Variants in EPHB2 observed in about 807,000 individuals in gnomAD.
EPHB2 encodes ephrin type-B receptor 2.
EPHB2 carries 18 observed loss-of-function variants against 96.4 expected under a neutral mutation model. The observed-to-expected ratio is 0.19, with a 90% CI of 0.13 to 0.28. The LOEUF (loss-of-function observed/expected upper bound fraction) is 0.28, where lower values mean the gene tolerates loss of function less well. Ranked by LOEUF, EPHB2 falls within the 10% of genes least tolerant of loss-of-function variation. The pLI, the probability that EPHB2 is intolerant of heterozygous loss-of-function variation, is 1.00. For synonymous variants in EPHB2, 506 were observed against 534.1 expected, an observed-to-expected ratio of 0.95 and a Z score of 0.72; for missense variants, 989 against 1,355.4, an observed-to-expected ratio of 0.73 and a Z score of 4.25.
chr1:22,819,816 ATT>A (rs5773023), intron 3 of EPHB2, among the ~76,000 whole-genome samples: 32,179 of 148,514 alleles, frequency 0.22, 3,734 homozygotes, highest in Non-Finnish European at 0.26. Flanking sequence ...CAAATTGATG[ATT>A]TTTTTTTTTT....
At chr1:22,822,828 C>A (rs1645170839) in intron 3 of EPHB2, among the ~76,000 whole-genome samples, 2 of 152,240 alleles carry the variant, frequency 1.3e-5, no homozygotes, top group Admixed American at 1.3e-4. Context: ...GCCTTCCAAT[C>A]CCTAGTCTCA....
At chr1:22,746,028 A>C (rs1643969707) in intron 1 of EPHB2, among the ~76,000 whole-genome samples, 1 of 152,180 alleles carries the variant, frequency 6.6e-6, no homozygotes. Context: ...AAGACCTCCA[A>C]ATACATAGTG....
At chr1:22,803,749 A>G (rs1644883758) in intron 3 of EPHB2, among the ~76,000 whole-genome samples, 2 of 150,044 alleles carry the variant, frequency 1.3e-5, no homozygotes, top group African/African-American at 4.9e-5. Context: ...GTGTGTATAT[A>G]TATATATATA....
intron 6 of EPHB2, among the ~76,000 whole-genome samples, chr1:22,886,522 C>T (rs140493985): frequency 1.4e-3 from 216 of 151,726 alleles, no homozygotes; most frequent in Admixed American, 2.1e-3. Flanking sequence ...ACACAGGGAG[C>T]GCCTGTACAG....
intron 9 of EPHB2, among the ~76,000 whole-genome samples, chr1:22,904,584 G>T (rs749328153): frequency 9.2e-5 from 14 of 152,136 alleles, no homozygotes; most frequent in Admixed American, 7.9e-4. Context: ...CCCAAATAAA[G>T]CTAACGTGTT....
chr1:22,785,146 C>G (rs1377760459), intron 3 of EPHB2, 70 bp downstream of exon 3: 3 of 1,582,704 alleles, frequency 1.9e-6, no homozygotes, highest in Non-Finnish European at 2.6e-6. Context: ...ACTCGGGCTG[C>G]AGACTTGGGC....
At chr1:22,899,646 A>C (rs1375529116) in intron 9 of EPHB2, among the ~76,000 whole-genome samples, 5 of 152,240 alleles carry the variant, frequency 3.3e-5, no homozygotes, top group Non-Finnish European at 7.3e-5. Flanking sequence ...ACTCCTAAGA[A>C]AAAGATGGAC....
chr1:22,903,903 C>T (rs759224554), intron 9 of EPHB2, among the ~76,000 whole-genome samples: 37 of 152,194 alleles, frequency 2.4e-4, no homozygotes, highest in Non-Finnish European at 5.1e-4. Flanking sequence ...GGTTCTTAAC[C>T]TCTTTGGGGG....
At position 22,731,701 on chromosome 1, in the gene EPHB2, G is replaced by A. The variant is rs115196737; in HGVS notation, c.61+20658G>A. 9.0e-3 allele frequency among the ~76,000 whole-genome samples: 1,368 copies of A among 152,256 alleles called. 24 individuals are homozygous for A. The highest frequency in any genetic ancestry group is 0.032 in the African/African-American group (1,311 of 41,550). ...CTAAAATTATACAAATTAGCCAGGC[G>A]TGGTGGCGCGCATCTGTAATCCCAG... On this transcript the variant is annotated intron_variant, in intron 1 of 15. Coordinates refer to ENST00000374630, the MANE Select transcript of EPHB2 (RefSeq NM_017449.5).
chr1:22,913,855 T>C lies in EPHB2; in HGVS notation c.*285T>C. 1.2e-6 allele frequency: 2 copies of C among 1,603,210 alleles called. No homozygotes were observed. Among genetic ancestry groups the C allele is most frequent in the Non-Finnish European group, 1.7e-6 (2 of 1,175,878 alleles). The stretch of plus-strand genomic sequence containing the variant: ...ATTCTCATAAGGAAAGCAATGACTG[T>C]TCTTGCGGGGGATAAAAAAGGGCTT... On this transcript the variant is annotated 3_prime_UTR_variant, in exon 16 of 16. Coordinates refer to ENST00000374630, the MANE Select transcript of EPHB2 (RefSeq NM_017449.5). The surrounding 1 kb of genome is among the most constrained non-coding windows in gnomAD (Gnocchi z 4.1).
chr1:22,738,213 C>T (rs910494426), intron 1 of EPHB2, among the ~76,000 whole-genome samples: 1 of 152,204 alleles, frequency 6.6e-6, no homozygotes, highest in Non-Finnish European at 1.5e-5. Context: ...GGATCCTTGT[C>T]TTAGTTTCTC....
At chr1:22,895,930 C>T (rs921259475) in intron 8 of EPHB2, among the ~76,000 whole-genome samples, 1 of 152,184 alleles carries the variant, frequency 6.6e-6, no homozygotes, top group African/African-American at 2.4e-5. Context: ...GTTCAGGCCC[C>T]CTGGCTGAGG....
At position 22,911,200 on chromosome 1, in the gene EPHB2, T is replaced by A. The variant is rs566802556; in HGVS notation, c.2696+625T>A. Among the ~76,000 whole-genome samples the A allele has an allele frequency of 3.1e-4, 44 of 143,862 alleles. 1 individual carries two copies. The highest frequency in any genetic ancestry group is 1.1e-3 in the African/African-American group (42 of 38,800). 94.4% of individuals were successfully genotyped at this position (143,862 alleles called of 152,430 possible). ...TAAATAATTACCAAAGGATCCAGAA[T>A]CTTAGTTCGTGAATAGATATGCCTG... On this transcript the variant is annotated intron_variant, in intron 14 of 15. Transcript: ENST00000374630.
chr1:22,756,769 G>C (rs1342961756), intron 1 of EPHB2, among the ~76,000 whole-genome samples: 1 of 152,188 alleles, frequency 6.6e-6, no homozygotes, highest in East Asian at 1.9e-4. Flanking sequence ...ACCTTGAGGG[G>C]TGAGTAGAGA....
chr1:22,895,059 C>A (rs897706337), intron 7 of EPHB2, among the ~76,000 whole-genome samples: 13 of 152,196 alleles, frequency 8.5e-5, no homozygotes, highest in African/African-American at 9.7e-5. Flanking sequence ...TTTGCCTTAT[C>A]ACACAGTCAC....
chr1:22,736,670 G>A (rs17487259), intron 1 of EPHB2, among the ~76,000 whole-genome samples: 13,917 of 152,266 alleles, frequency 0.091, 898 homozygotes, highest in Admixed American at 0.17. Flanking sequence ...GCATGTTTGC[G>A]CCGCTGACAC....
chr1:22,882,990 T>G (rs1639100837), intron 6 of EPHB2: 2 of 210,152 alleles, frequency 9.5e-6, no homozygotes, highest in Non-Finnish European at 1.9e-5. Flanking sequence ...TTTGAGCTTT[T>G]AAATCAGACC....
intron 3 of EPHB2, among the ~76,000 whole-genome samples, chr1:22,794,861 G>A (rs563000753): frequency 1.6e-4 from 25 of 152,260 alleles, no homozygotes; most frequent in African/African-American, 6.0e-4. Flanking sequence ...GAAGTTCCCC[G>A]CCCTCCAGCC....
chr1:22,866,382 G>GGAA (rs1200109730), intron 5 of EPHB2, among the ~76,000 whole-genome samples: 2 of 152,030 alleles, frequency 1.3e-5, no homozygotes, highest in African/African-American at 4.8e-5. Context: ...TCCAGGCCCA[G>GGAA]GAAGTCTTCC....
Sources: allele counts gnomAD v4.1 joint callset (sites outside exome capture counted in the v4.1 genomes callset), GRCh38; gene constraint gnomAD v4.1.1; non-coding constraint Gnocchi (gnomAD v3.1); transcripts MANE v1.5; gene names NCBI Gene and HGNC (gene_info 2026-07-23, HGNC 2026-07-21).